Variants in WWTR1 observed in about 807,000 individuals in gnomAD.
WWTR1 encodes the protein WW domain-containing transcription regulator protein 1.
Under a neutral mutation model 40.1 loss-of-function variants are expected in WWTR1, and 13 were observed. That is an observed-to-expected ratio of 0.32 (90% CI 0.21 to 0.52). The LOEUF (loss-of-function observed/expected upper bound fraction) is 0.52, where lower values mean the gene tolerates loss of function less well. Ranked by LOEUF, WWTR1 falls within the 20% of genes least tolerant of loss-of-function variation. WWTR1 has a pLI of 0.97. For missense variants in WWTR1, 436 were observed against 523.1 expected (o/e 0.83, Z 1.63); for synonymous variants, 230 against 210.1 (o/e 1.09, Z -0.82).
intron 2 of WWTR1, among the ~76,000 whole-genome samples, chr3:149,613,422 A>G (rs759299498): frequency 2.0e-5 from 3 of 152,220 alleles, no homozygotes; most frequent in Non-Finnish European, 4.4e-5. Flanking sequence ...AAGCAGCAAG[A>G]TGAAGGGTAA....
chr3:149,714,609 C>G (rs1715557735), intron 5 of WWTR1, among the ~76,000 whole-genome samples: 1 of 152,232 alleles, frequency 6.6e-6, no homozygotes, highest in Non-Finnish European at 1.5e-5. Context: ...CAGCCTGGCG[C>G]TGGCCTGCAG....
chr3:149,615,760 G>A (rs7610908), intron 2 of WWTR1, among the ~76,000 whole-genome samples: 6,031 of 152,226 alleles, frequency 0.04, 383 homozygotes, highest in African/African-American at 0.13. Flanking sequence ...CAACCCACTT[G>A]GCCAAGGACT....
At chr3:149,600,325 G>A (rs989833637) in intron 2 of WWTR1, among the ~76,000 whole-genome samples, 1 of 152,264 alleles carries the variant, frequency 6.6e-6, no homozygotes, top group East Asian at 1.9e-4. Flanking sequence ...CACAGTCCCC[G>A]ATGGGAATAT....
At chr3:149,560,253 A>G (rs1283165646) in intron 3 of WWTR1, among the ~76,000 whole-genome samples, 1 of 152,224 alleles carries the variant, frequency 6.6e-6, no homozygotes, top group African/African-American at 2.4e-5. Context: ...CGACACTGAG[A>G]TTCCCTCAAA....
intron 4 of WWTR1, chr3:149,717,686 T>C (rs946662230): frequency 1.3e-5 from 2 of 152,238 alleles, no homozygotes; most frequent in African/African-American, 4.8e-5. Flanking sequence ...TTTGTGAATA[T>C]GAAATATGTT....
In WWTR1 at chr3:149,519,059, G is replaced by A. The variant is rs995481343; in HGVS notation, c.*1746C>T. 6.6e-6 allele frequency: 1 copy of A among 151,952 alleles called. No homozygotes were observed. The highest frequency in any genetic ancestry group is 2.4e-5 in the African/African-American group (1 of 41,346). The allele number at this position is 151,952 out of a possible 1,614,324, so 9.4% of individuals were successfully genotyped here. On this transcript the variant is annotated 3_prime_UTR_variant, in exon 7 of 7. Transcript: ENST00000360632. ...AATAAGTCCCCCATGGAAATTGAAA[G>A]TATCCTCTCAGAGACTCAAATTATT...
intron 2 of WWTR1, among the ~76,000 whole-genome samples, chr3:149,583,932 G>A (rs970633916): frequency 6.6e-6 from 1 of 152,156 alleles, no homozygotes; most frequent in African/African-American, 2.4e-5. Flanking sequence ...TGTTAGAAAT[G>A]TTTCCCATAT....
intron 2 of WWTR1, among the ~76,000 whole-genome samples, chr3:149,575,485 C>T (rs1041362016): frequency 1.3e-5 from 2 of 152,202 alleles, no homozygotes; most frequent in Non-Finnish European, 2.9e-5. Flanking sequence ...ATCCTTCTCT[C>T]TTTCATAAAC....
chr3:149,587,731 T>C (rs1738496532), intron 2 of WWTR1, among the ~76,000 whole-genome samples: 1 of 152,228 alleles, frequency 6.6e-6, no homozygotes, highest in South Asian at 2.1e-4. Flanking sequence ...ATTCTACTTG[T>C]ACAGACATAG....
chr3:149,668,185 C>T (rs1235804038), intron 2 of WWTR1, among the ~76,000 whole-genome samples: 7 of 152,182 alleles, frequency 4.6e-5, no homozygotes, highest in Non-Finnish European at 1.0e-4. Flanking sequence ...TAAAAGACTG[C>T]CTTTTTCCAA....
intron 2 of WWTR1, among the ~76,000 whole-genome samples, chr3:149,581,117 T>C (rs1450636496): frequency 1.3e-5 from 2 of 152,208 alleles, no homozygotes; most frequent in Non-Finnish European, 2.9e-5. Context: ...TCCCACGTTG[T>C]CATTCTTTCT....
intron 1 of WWTR1, among the ~76,000 whole-genome samples, chr3:149,694,131 C>T (rs546733486): frequency 6.5e-4 from 99 of 152,314 alleles, no homozygotes; most frequent in African/African-American, 2.2e-3. Flanking sequence ...CGGTGGCTCA[C>T]GCCTATAATC....
chr3:149,677,754 C>T lies in WWTR1; in HGVS notation c.-107-7863G>A, dbSNP rs548544801. Among the ~76,000 whole-genome samples the T allele has an allele frequency of 1.7e-4, 25 of 150,200 alleles. No individual in the cohort carries two copies. The East Asian group carries it at 4.4e-3, about 26-fold the overall frequency. On this transcript the variant is annotated intron_variant, in intron 1 of 7. Coordinates refer to the WWTR1 transcript ENST00000465804. ...ACTCGGGAGGCTGAGGCAGGAGAAT[C>T]GCTTGAATCTGGGAAGCAGAGGTTG... is the stretch of plus-strand genomic sequence containing the variant.
At chr3:149,569,002 G>A (rs773932874) in intron 3 of WWTR1, among the ~76,000 whole-genome samples, 2 of 152,140 alleles carry the variant, frequency 1.3e-5, no homozygotes, top group East Asian at 1.9e-4. Context: ...TCCTGACCTC[G>A]TGATCCTCCC....
At chr3:149,617,587 G>A (rs1740044799) in intron 2 of WWTR1, among the ~76,000 whole-genome samples, 1 of 152,200 alleles carries the variant, frequency 6.6e-6, no homozygotes, top group Non-Finnish European at 1.5e-5. Flanking sequence ...ATTACCTGAG[G>A]TCACAAGTTC....
intron 2 of WWTR1, among the ~76,000 whole-genome samples, chr3:149,600,453 G>C (rs1277690172): frequency 6.6e-6 from 1 of 152,198 alleles, no homozygotes; most frequent in African/African-American, 2.4e-5. Context: ...TCCTCACCCT[G>C]ATTCTTCTCT....
intron 5 of WWTR1, among the ~76,000 whole-genome samples, chr3:149,713,483 C>T (rs1715525167): frequency 1.3e-5 from 2 of 151,992 alleles, no homozygotes; most frequent in East Asian, 1.9e-4. Context: ...TGGGTTCAAG[C>T]GATTCTCCTG....
chr3:149,556,000 G>A (rs1368415986), intron 3 of WWTR1, among the ~76,000 whole-genome samples: 2 of 152,252 alleles, frequency 1.3e-5, no homozygotes, highest in African/African-American at 2.4e-5. Flanking sequence ...TGGGGGACAA[G>A]TACAAAGATC....
At chr3:149,632,693 T>C (rs1711602256) in intron 2 of WWTR1, among the ~76,000 whole-genome samples, 1 of 152,230 alleles carries the variant, frequency 6.6e-6, no homozygotes. Context: ...ATGTGGTATA[T>C]CCATACAATG....
Sources: allele counts gnomAD v4.1 joint callset (sites outside exome capture counted in the v4.1 genomes callset), GRCh38; gene constraint gnomAD v4.1.1; transcripts MANE v1.5; gene names NCBI Gene and HGNC (gene_info 2026-07-23, HGNC 2026-07-21).